The following EEF2KMT variants were observed in gnomAD, a reference collection of about 807,000 sequenced individuals.
The protein encoded by EEF2KMT is protein-lysine N-methyltransferase EEF2KMT.
EEF2KMT carries 30 observed loss-of-function variants against 35.1 expected under a neutral mutation model. That is an observed-to-expected ratio of 0.85 (90% CI 0.64 to 1.16). The LOEUF (loss-of-function observed/expected upper bound fraction) is 1.16, where lower values mean the gene tolerates loss of function less well. Ranked by LOEUF, EEF2KMT falls within the 50% of genes most tolerant of loss-of-function variation. The pLI, the probability that EEF2KMT is intolerant of heterozygous loss-of-function variation, is 0.00. For missense variants in EEF2KMT, 499 were observed against 438.2 expected (o/e 1.14, Z -1.24); for synonymous variants, 190 against 187.7 (o/e 1.01, Z -0.10).
chr16:5,091,755 A>T (rs1381407661), intron 4 of EEF2KMT, 39 bp downstream of exon 4: 1 of 1,609,960 alleles, frequency 6.2e-7, no homozygotes, highest in African/African-American at 1.3e-5. Flanking sequence ...CAGGAAGGGT[A>T]TCTGGGCTGT....
At position 5,084,500 on chromosome 16, in the gene EEF2KMT, G is replaced by A. The variant is rs540579534; in HGVS notation, c.*1132C>T. The A allele has an allele frequency of 2.8e-5, 18 of 636,140 alleles. No individual in the cohort carries two copies. In the East Asian group the frequency reaches 3.7e-4, roughly 13 times the overall value. The allele number at this position is 636,140 out of a possible 1,614,324, so 39.4% of individuals were successfully genotyped here. A position where few individuals can be genotyped will look rare whatever the true frequency, so the allele number is the denominator to read the frequency against. On this transcript the variant is annotated 3_prime_UTR_variant, in exon 8 of 8. Coordinates refer to ENST00000427587, the MANE Select transcript of EEF2KMT (RefSeq NM_201400.4). Reference sequence around the variant, plus strand: ...GTGCTCACAGGGGAATGGGCAGCACGTAGAGGCCGGGAGGTGCTCCAGGGC... The same window carrying A: ...GTGCTCACAGGGGAATGGGCAGCACATAGAGGCCGGGAGGTGCTCCAGGGC...
chr16:5,087,209 T>G (rs1957210740), intron 7 of EEF2KMT: 1 of 152,170 alleles, frequency 6.6e-6, no homozygotes, highest in African/African-American at 2.4e-5. Context: ...CAATACCTGA[T>G]GAGCTAAAAG....
chr16:5,089,825 G>T (rs1212747502), intron 6 of EEF2KMT, among the ~76,000 whole-genome samples: 2 of 152,326 alleles, frequency 1.3e-5, no homozygotes, highest in East Asian at 3.9e-4. Context: ...AAGGACACAG[G>T]GCATGGCTCT....
At chr16:5,093,875 A>T (rs1352915030) in intron 2 of EEF2KMT, among the ~76,000 whole-genome samples, 1 of 152,244 alleles carries the variant, frequency 6.6e-6, no homozygotes, top group Non-Finnish European at 1.5e-5. Flanking sequence ...GTTTGCAGTA[A>T]GGACAGTCGC....
At chr16:5,091,469 C>T (rs1381253031) in intron 4 of EEF2KMT, among the ~76,000 whole-genome samples, 1 of 152,198 alleles carries the variant, frequency 6.6e-6, no homozygotes, top group Non-Finnish European at 1.5e-5. Context: ...ACCACTTCGG[C>T]CTCCCAAAGC....
rs1182501018 is a variant in EEF2KMT at position 5,093,526 on chromosome 16, G to A, written c.198C>T (p.Ser66=). 11 of 1,610,920 alleles carry A rather than the reference G, an allele frequency of 6.8e-6. No homozygotes were observed. Among genetic ancestry groups the A allele is most frequent in the East Asian group, 2.2e-5 (1 of 44,822 alleles). Residue 66 remains serine (S), a synonymous_variant, in exon 3 of 8, where the codon TCC becomes TCT. Transcript: ENST00000427587. ...KHPVCVKHPP[S]VKYARCFLSE... is the part of the protein sequence containing the mutation. Reference sequence around the variant, plus strand: ...AGAGAAAGCACCGGGCATATTTGACGGACGGCGGGTGCTTCACACACACAG... The same window carrying A: ...AGAGAAAGCACCGGGCATATTTGACAGACGGCGGGTGCTTCACACACACAG...
chr16:5,094,786 G>A (rs1452323966), intron 2 of EEF2KMT, among the ~76,000 whole-genome samples: 1 of 143,894 alleles, frequency 6.9e-6, no homozygotes, highest in Non-Finnish European at 1.5e-5. Flanking sequence ...GGGCTCCTAG[G>A]ATGGGCTGGG....
chr16:5,093,357 G>C (rs1164470136), intron 3 of EEF2KMT, 127 bp downstream of exon 3: 1 of 1,459,140 alleles, frequency 6.9e-7, no homozygotes, highest in African/African-American at 1.4e-5. Flanking sequence ...GCTGCAGCCA[G>C]TTGCCTGGGG....
At chr16:5,088,349 G>A (rs925170599) in intron 7 of EEF2KMT, among the ~76,000 whole-genome samples, 7 of 152,284 alleles carry the variant, frequency 4.6e-5, no homozygotes, top group South Asian at 2.1e-4. Context: ...ACGTGGACAG[G>A]CACTGGGTTG....
intron 7 of EEF2KMT, among the ~76,000 whole-genome samples, chr16:5,088,728 G>A (rs949100845): frequency 6.6e-6 from 1 of 152,150 alleles, no homozygotes; most frequent in Non-Finnish European, 1.5e-5. Context: ...TGGCGTGGTG[G>A]ATCCGCCTGT....
At chr16:5,087,944 ATTTC>A (rs1957244014) in intron 7 of EEF2KMT, among the ~76,000 whole-genome samples, 1 of 56,606 alleles carries the variant, frequency 1.8e-5, no homozygotes, top group Non-Finnish European at 3.9e-5. Context: ...TTTATTTTTT[ATTTC>A]TTTGCTTTTT....
Position 5,097,787 on chromosome 16 carries a change from G to A in EEF2KMT, c.-48C>T, listed in dbSNP as rs1304926511. 1 of 1,529,166 alleles carries A rather than the reference G, an allele frequency of 6.5e-7. No individual in the cohort carries two copies. The highest frequency in any genetic ancestry group is 2.0e-5 in the Admixed American group (1 of 50,610). The allele number at this position is 1,529,166 out of a possible 1,614,324, so 94.7% of individuals were successfully genotyped here. A position where few individuals can be genotyped will look rare whatever the true frequency, so the allele number is the denominator to read the frequency against. On this transcript the variant is annotated 5_prime_UTR_variant, in exon 1 of 8. Transcript: ENST00000427587. ...TGCCGGCAGACCGGGCGGAAGCCCG[G>A]CCTGGACTGAAGAGGGGGCGGGCCC...
In EEF2KMT at chr16:5,090,715, G is replaced by C. The variant is rs1957324715; in HGVS notation, c.343-150C>G. 9.4e-7 allele frequency: 1 copy of C among 1,060,438 alleles called. No individual in the cohort carries two copies. The highest frequency in any genetic ancestry group is 1.6e-5 in the African/African-American group (1 of 62,650). 65.7% of individuals were successfully genotyped at this position (1,060,438 alleles called of 1,614,324 possible). Reference sequence around the variant, plus strand: ...GCAGCTAACTGTTGGCATGCCAACAGCTTTCACGGGCCTCAAGGGTGTCAC... The same window carrying C: ...GCAGCTAACTGTTGGCATGCCAACACCTTTCACGGGCCTCAAGGGTGTCAC... On this transcript the variant is annotated intron_variant, in intron 4 of 7. Coordinates refer to ENST00000427587, the MANE Select transcript of EEF2KMT (RefSeq NM_201400.4). The surrounding 1 kb of genome is among the most constrained non-coding windows in gnomAD (Gnocchi z 4.1).
In EEF2KMT at chr16:5,090,450, G is replaced by C. The variant is rs768931495; in HGVS notation, c.458C>G (p.Pro153Arg). 1 of 1,611,860 alleles carries C rather than the reference G, an allele frequency of 6.2e-7. No individual in the cohort carries two copies. The highest frequency in any genetic ancestry group is 1.3e-5 in the African/African-American group (1 of 74,828). Residue 153 changes from proline to arginine, a missense_variant, in exon 5 of 8, where the codon CCG becomes CGG. Coordinates refer to ENST00000427587, the MANE Select transcript of EEF2KMT (RefSeq NM_201400.4). This position sits in a 1 kb window ranked among gnomAD's most constrained non-coding sequence, Gnocchi z 4.1. ...LYLAEWAIEN[P>R]AVFTNRTVLE... ...AGGTCACCTGTTAGTGAAGACTGCC[G>C]GGTTCTCGATGGCCCATTCTGCAAG...
Position 5,090,276 on chromosome 16 carries a change from A to G in EEF2KMT, c.550T>C (p.Tyr184His), listed in dbSNP as rs751961528. Reference sequence around the variant, plus strand: ...CGGCTGTGACAGTCGCTGAAGATGTATGCCCGGGGGCGGCACATCTTGCAG... The same window carrying G: ...CGGCTGTGACAGTCGCTGAAGATGTGTGCCCGGGGGCGGCACATCTTGCAG... ...AICKMCRPRA[Y>H]IFSDCHSRVL... Residue 184 changes from tyrosine (Y) to histidine (H), a missense_variant, in exon 6 of 8, where the codon TAC becomes CAC. Transcript: ENST00000427587. The surrounding 1 kb of genome is among the most constrained non-coding windows in gnomAD (Gnocchi z 4.1). 6.2e-7 allele frequency: 1 copy of G among 1,612,054 alleles called. No individual in the cohort carries two copies. Among genetic ancestry groups the G allele is most frequent in the Non-Finnish European group, 8.5e-7 (1 of 1,179,854 alleles).
rs1392449265 is a variant in EEF2KMT at position 5,093,549 on chromosome 16, C to A, written c.175G>T (p.Val59Leu). 7 of 1,611,906 alleles carry A rather than the reference C, an allele frequency of 4.3e-6. No individual in the cohort carries two copies. The highest frequency in any genetic ancestry group is 2.5e-6 in the Non-Finnish European group (3 of 1,179,866). ...ACGGACGGCGGGTGCTTCACACACA[C>A]AGGATGCTTCACAGTCTACGGCAAA... ...DILHKTVKHP[V>L]CVKHPPSVKY... Residue 59 changes from valine to leucine, a missense_variant, in exon 3 of 8, where the codon GTG (valine) becomes TTG (leucine). Transcript: ENST00000427587.
In EEF2KMT at chr16:5,085,526, T is replaced by G. The variant is rs1596266127; in HGVS notation, c.*106A>C. 7 of 920,114 alleles carry G rather than the reference T, an allele frequency of 7.6e-6. No homozygotes were observed. In the East Asian group the frequency reaches 1.7e-4, roughly 22 times the overall value. The allele number at this position is 920,114 out of a possible 1,614,324, so 57.0% of individuals were successfully genotyped here. A position where few individuals can be genotyped will look rare whatever the true frequency, so the allele number is the denominator to read the frequency against. ...GTTCCTGATTTGGAAATTAACATTC[T>G]CCAAACATTCCAGTCCAATGAAAGT... On this transcript the variant is annotated 3_prime_UTR_variant, in exon 8 of 8. Transcript: ENST00000427587.
At chr16:5,088,930 G>T (rs549483456) in intron 7 of EEF2KMT, among the ~76,000 whole-genome samples, 177 bp downstream of exon 7, 5 of 152,160 alleles carry the variant, frequency 3.3e-5, no homozygotes, top group Non-Finnish European at 5.9e-5. Context: ...TCCTCCTGCC[G>T]CAAGCCCCCC....
Position 5,084,905 on chromosome 16 carries a change from C to G in EEF2KMT, c.*727G>C, listed in dbSNP as rs778601761. ...AACTCCTGGGCCAGAGGCTAAAACC[C>G]CAGGACCCCTGCTGTCCTTCCCGCA... On this transcript the variant is annotated 3_prime_UTR_variant, in exon 8 of 8. Coordinates refer to ENST00000427587, the MANE Select transcript of EEF2KMT (RefSeq NM_201400.4). 2.9e-5 allele frequency: 47 copies of G among 1,596,262 alleles called. No individual in the cohort carries two copies. Among genetic ancestry groups the G allele is most frequent in the Non-Finnish European group, 3.6e-5 (42 of 1,179,760 alleles).
Sources: allele counts gnomAD v4.1 joint callset (sites outside exome capture counted in the v4.1 genomes callset), GRCh38; gene constraint gnomAD v4.1.1; non-coding constraint Gnocchi (gnomAD v3.1); transcripts MANE v1.5; gene names NCBI Gene and HGNC (gene_info 2026-07-23, HGNC 2026-07-21).